Variants in UTP23 observed in about 807,000 individuals in gnomAD.
The protein encoded by UTP23 is UTP23 small subunit processome component.
UTP23 carries 10 observed loss-of-function variants against 19.8 expected under a neutral mutation model. The observed-to-expected ratio is 0.50, with a 90% CI of 0.31 to 0.86. The LOEUF (loss-of-function observed/expected upper bound fraction) is 0.86. Among genes scored for constraint, UTP23 ranks in the 40% least tolerant of loss-of-function variants. The probability of loss-of-function intolerance (pLI) is 0.05; values close to 1 mark genes in which losing one functional copy is unlikely to be tolerated. For synonymous variants in UTP23, 108 were observed against 105.4 expected, an observed-to-expected ratio of 1.02 and a Z score of -0.15; for missense variants, 282 against 293.1, an observed-to-expected ratio of 0.96 and a Z score of 0.28.
chr8:116,770,205 G>C lies in UTP23; in HGVS notation c.202G>C (p.Glu68Gln). The change falls in exon 2 of 3, where the codon GAG (glutamate) becomes CAG (glutamine). Residue 68 changes from glutamate to glutamine, a missense_variant. By Grantham distance (29) the Glu-to-Gln change is conservative. Transcript: ENST00000309822. ...QLCTTRCVLK[E>Q]LETLGKDLYG... ...TTTTCTTTTCAGATGTGTGTTAAAA[G>C]AGCTAGAAACATTGGGAAAGGACTT... 1.2e-6 allele frequency: 2 copies of C among 1,609,700 alleles called. No individual in the cohort carries two copies. Among genetic ancestry groups the C allele is most frequent in the Non-Finnish European group, 1.7e-6 (2 of 1,176,834 alleles).
Position 116,771,855 on chromosome 8 carries a change from C to G in UTP23, c.*13C>G, listed in dbSNP as rs747761777. The G allele has an allele frequency of 1.4e-5, 21 of 1,531,156 alleles. No homozygotes were observed. The highest frequency in any genetic ancestry group is 1.8e-5 in the Non-Finnish European group (21 of 1,146,176). The allele number at this position is 1,531,156 out of a possible 1,614,324, so 94.8% of individuals were successfully genotyped here. On this transcript the variant is annotated 3_prime_UTR_variant, in exon 3 of 3. Transcript: ENST00000309822. ...AGAAGGAGAATGAATCCTTTGGATA[C>G]TTTCAAGGACATTCAAATGTGAAAA...
chr8:116,771,521 C>A lies in UTP23; in HGVS notation c.429C>A (p.Asn143Lys). Residue 143 changes from asparagine to lysine, a missense_variant, in exon 3 of 3, where the codon AAC becomes AAA. Physicochemically the swap from Asn to Lys is moderately conservative, Grantham distance 94 (BLOSUM62 0). Coordinates refer to ENST00000309822, the MANE Select transcript of UTP23 (RefSeq NM_032334.3). ...TTCCTCTCATGTTTATTATTCAGAA[C>A]ACTATGGTTTTGGACAAACCTTCTC... ...PGVPLMFIIQ[N>K]TMVLDKPSPK... is the part of the protein sequence containing the mutation. The A allele has an allele frequency of 6.2e-7, 1 of 1,600,646 alleles. No homozygotes were observed. The highest frequency in any genetic ancestry group is 8.5e-7 in the Non-Finnish European group (1 of 1,176,386).
At position 116,769,988 on chromosome 8, in the gene UTP23, A is replaced by C. The variant is rs75366431; in HGVS notation, c.189-204A>C. On this transcript the variant is annotated intron_variant, in intron 1 of 2. Transcript: ENST00000309822. ...AAAGAGCAATTTGCATACTACATGG[A>C]ACATAATAAGTGCTCAGTTAATTTT... The C allele has an allele frequency of 4.3e-4, 216 of 499,186 alleles. 1 individual carries two copies. In the East Asian group the frequency reaches 6.4e-3, roughly 15 times the overall value. The allele number at this position is 499,186 out of a possible 1,614,324, so 30.9% of individuals were successfully genotyped here. A position where few individuals can be genotyped will look rare whatever the true frequency, so the allele number is the denominator to read the frequency against.
chr8:116,772,723 G>C lies in UTP23; in HGVS notation c.*881G>C, dbSNP rs1376486242. 4.1e-6 allele frequency: 4 copies of C among 985,058 alleles called. No homozygotes were observed. The African/African-American group carries it at 7.0e-5, about 17-fold the overall frequency. 61.0% of individuals were successfully genotyped at this position (985,058 alleles called of 1,614,324 possible). A position where few individuals can be genotyped will look rare whatever the true frequency, so the allele number is the denominator to read the frequency against. On this transcript the variant is annotated 3_prime_UTR_variant, in exon 3 of 3. Coordinates refer to ENST00000309822, the MANE Select transcript of UTP23 (RefSeq NM_032334.3). ...AATAATATTCTCTTTGAGATTGACT[G>C]TGAATGTTATTGAAAAGTGTCTAAA...
chr8:116,770,484 A>C lies in UTP23; in HGVS notation c.363+118A>C, dbSNP rs1815637312. 6 of 984,490 alleles carry C rather than the reference A, an allele frequency of 6.1e-6. No individual in the cohort carries two copies. The South Asian group carries it at 1.8e-4, about 29-fold the overall frequency. The allele number at this position is 984,490 out of a possible 1,614,324, so 61.0% of individuals were successfully genotyped here. ...TAGACTTTTAAAAATACAGGCTTCT[A>C]AGTTAATTTGCAGTCAGTAAAAGCA... is the stretch of plus-strand genomic sequence containing the variant. On this transcript the variant is annotated intron_variant, in intron 2 of 2. Transcript: ENST00000309822.
chr8:116,772,336 T>A lies in UTP23; in HGVS notation c.*494T>A. 1.0e-6 allele frequency: 1 copy of A among 985,406 alleles called. No individual in the cohort carries two copies. The highest frequency in any genetic ancestry group is 1.7e-5 in the African/African-American group (1 of 57,366). The allele number at this position is 985,406 out of a possible 1,614,324, so 61.0% of individuals were successfully genotyped here. Reference sequence around the variant, plus strand: ...TATATGCAAACAGTTTTAAAAAATCTTACAGTTCTAAAAGGCTTGTGACAA... The same window carrying A: ...TATATGCAAACAGTTTTAAAAAATCATACAGTTCTAAAAGGCTTGTGACAA... On this transcript the variant is annotated 3_prime_UTR_variant, in exon 3 of 3. Coordinates refer to ENST00000309822, the MANE Select transcript of UTP23 (RefSeq NM_032334.3).
chr8:116,769,780 A>G (rs968242550), intron 1 of UTP23, among the ~76,000 whole-genome samples: 1 of 152,330 alleles, frequency 6.6e-6, no homozygotes, highest in Admixed American at 6.5e-5. Context: ...GCAGAAGCTT[A>G]TTACGCTATG....
In UTP23 at chr8:116,773,773, G is replaced by C; in HGVS notation, c.*1931G>C. On this transcript the variant is annotated 3_prime_UTR_variant, in exon 3 of 3. Transcript: ENST00000309822. ...TGCAGTGAGCCAAGATCATGCCACT[G>C]CACTCCAGCCTGGTGAGAGAGTGAA... 2.0e-6 allele frequency: 1 copy of C among 495,814 alleles called. No individual in the cohort carries two copies. The highest frequency in any genetic ancestry group is 2.6e-6 in the Non-Finnish European group (1 of 382,872). The allele number at this position is 495,814 out of a possible 1,614,324, so 30.7% of individuals were successfully genotyped here.
chr8:116,770,391 G>A (rs746976717), intron 2 of UTP23, 25 bp downstream of exon 2: 1 of 1,570,424 alleles, frequency 6.4e-7, no homozygotes, highest in Non-Finnish European at 8.7e-7. Context: ...AAAACCACAG[G>A]CAATTTTCAC....
rs182145903 is a variant in UTP23, at chr8:116,768,667, A to T, written c.189-1525A>T. Among the ~76,000 whole-genome samples, 522 of 152,286 alleles carry T rather than the reference A, an allele frequency of 3.4e-3. 2 individuals carry two copies. The highest frequency in any genetic ancestry group is 6.8e-3 in the Middle Eastern group (2 of 294). ...GATTTATATGTCACTTAAGTTTTTT[A>T]AAAAAATTTATTTTTGAGATGGAGT... On this transcript the variant is annotated intron_variant, in intron 1 of 2. Transcript: ENST00000309822.
rs777156372 is a variant in UTP23, at chr8:116,766,586, G to T, written c.-18G>T. On this transcript the variant is annotated 5_prime_UTR_variant, in exon 1 of 3. Transcript: ENST00000309822. ...TGATGCTTCCTGGTCCGGTGGCCTC[G>T]GTCCCGGTAAGCCAGGCATGAAGAT... The T allele has an allele frequency of 2.1e-5, 34 of 1,606,140 alleles. No homozygotes were observed. The highest frequency in any genetic ancestry group is 2.7e-5 in the Non-Finnish European group (32 of 1,175,576).
rs1815669245 is a variant in UTP23, at chr8:116,772,361, A to G, written c.*519A>G. 1.0e-6 allele frequency: 1 copy of G among 983,978 alleles called. No homozygotes were observed. The highest frequency in any genetic ancestry group is 1.2e-6 in the Non-Finnish European group (1 of 828,596). The allele number at this position is 983,978 out of a possible 1,614,324, so 61.0% of individuals were successfully genotyped here. On this transcript the variant is annotated 3_prime_UTR_variant, in exon 3 of 3. Transcript: ENST00000309822. ...TTACAGTTCTAAAAGGCTTGTGACA[A>G]AAAAAGAGGCAGTCCCTCTTTCACA...
chr8:116,772,471 TACA>T lies in UTP23; in HGVS notation c.*630_*632del. The stretch of plus-strand genomic sequence containing the variant: ...GTATGATTATACCGCTACTTTTTGA[TACA>T]TCAATTATTTATTGACTTCCTACTA... On this transcript the variant is annotated 3_prime_UTR_variant, in exon 3 of 3. Coordinates refer to ENST00000309822, the MANE Select transcript of UTP23 (RefSeq NM_032334.3). 1 of 962,822 alleles carries T rather than the reference TACA, an allele frequency of 1.0e-6. No individual in the cohort carries two copies. The highest frequency in any genetic ancestry group is 1.2e-6 in the Non-Finnish European group (1 of 809,388). 59.6% of individuals were successfully genotyped at this position (962,822 alleles called of 1,614,324 possible).
At position 116,773,074 on chromosome 8, in the gene UTP23, T is replaced by G. The variant is rs1050949690; in HGVS notation, c.*1232T>G. 1 of 985,414 alleles carries G rather than the reference T, an allele frequency of 1.0e-6. No individual in the cohort carries two copies. The highest frequency in any genetic ancestry group is 6.1e-5 in the Admixed American group (1 of 16,286). 61.0% of individuals were successfully genotyped at this position (985,414 alleles called of 1,614,324 possible). A position where few individuals can be genotyped will look rare whatever the true frequency, so the allele number is the denominator to read the frequency against. On this transcript the variant is annotated 3_prime_UTR_variant, in exon 3 of 3. Transcript: ENST00000309822. ...TGTCATTCTCATTTGAATTCAGAGA[T>G]ACTTCTTTGCTGGAAGTTGGAATTA... is the stretch of plus-strand genomic sequence containing the variant.
intron 1 of UTP23, among the ~76,000 whole-genome samples, chr8:116,769,886 G>C (rs1484450586): frequency 1.3e-5 from 2 of 152,126 alleles, no homozygotes; most frequent in Non-Finnish European, 2.9e-5. Context: ...AGAATGGGGT[G>C]CTCTAAAATA....
At chr8:116,767,894 A>G (rs1300911525) in intron 1 of UTP23, among the ~76,000 whole-genome samples, 1 of 152,204 alleles carries the variant, frequency 6.6e-6, no homozygotes, top group African/African-American at 2.4e-5. Context: ...TCATCCATCC[A>G]GTTCTTTATA....
rs1199725759 is a variant in UTP23 at position 116,773,854 on chromosome 8, C to A, written c.*2012C>A. 2.4e-6 allele frequency: 2 copies of A among 818,460 alleles called. No homozygotes were observed. The highest frequency in any genetic ancestry group is 6.3e-5 in the Admixed American group (1 of 15,980). The allele number at this position is 818,460 out of a possible 1,614,324, so 50.7% of individuals were successfully genotyped here. On this transcript the variant is annotated 3_prime_UTR_variant, in exon 3 of 3. Transcript: ENST00000309822. ...GTTTACTATTTTAAAACTGGTTAAT[C>A]ATTTATGTATTTTGCCAGTAAAATT...
At position 116,773,248 on chromosome 8, in the gene UTP23, A is replaced by C. The variant is rs912933570; in HGVS notation, c.*1406A>C. 2.0e-6 allele frequency: 2 copies of C among 985,468 alleles called. No homozygotes were observed. The highest frequency in any genetic ancestry group is 2.4e-6 in the Non-Finnish European group (2 of 829,938). The allele number at this position is 985,468 out of a possible 1,614,324, so 61.0% of individuals were successfully genotyped here. On this transcript the variant is annotated 3_prime_UTR_variant, in exon 3 of 3. Transcript: ENST00000309822. ...AATACTGGAAAAAAGTGAATAGTGT[A>C]GGTTTTGTGAGGAAAGTTAACATTT...
At chr8:116,770,825 G>C (rs893545149) in intron 2 of UTP23, 4 of 153,914 alleles carry the variant, frequency 2.6e-5, no homozygotes, top group Non-Finnish European at 2.9e-5. Context: ...TTGAAGGGAA[G>C]ATAAGTAGAG....
Sources: allele counts gnomAD v4.1 joint callset (sites outside exome capture counted in the v4.1 genomes callset), GRCh38; gene constraint gnomAD v4.1.1; transcripts MANE v1.5; gene names NCBI Gene and HGNC (gene_info 2026-07-23, HGNC 2026-07-21).